GPATCH2: variants seen among roughly 807,000 people sequenced by gnomAD.
GPATCH2 encodes G-patch domain containing 2, also known as G patch domain-containing protein 2.
Under a neutral mutation model 58.0 loss-of-function variants are expected in GPATCH2, and 51 were observed. The ratio of observed to expected loss-of-function variants is 0.88; its 90% CI spans 0.70 to 1.11. The LOEUF (loss-of-function observed/expected upper bound fraction) is 1.11, where lower values mean the gene tolerates loss of function less well. Among genes scored for constraint, GPATCH2 ranks in the 50% most tolerant of loss-of-function variants. GPATCH2 has a pLI of 0.00. For missense variants in GPATCH2, 625 were observed against 652.2 expected, an observed-to-expected ratio of 0.96 and a Z score of 0.45; for synonymous variants, 222 against 218.5, an observed-to-expected ratio of 1.02 and a Z score of -0.14.
chr1:217,451,166 T>TGTC, intron 8 of GPATCH2, among the ~76,000 whole-genome samples: 1 of 152,340 alleles, frequency 6.6e-6, no homozygotes, highest in Middle Eastern at 3.4e-3. Context: ...TAGTGAAGAC[T>TGTC]GTATTATTTA....
intron 8 of GPATCH2, among the ~76,000 whole-genome samples, chr1:217,479,254 T>C (rs147102225): frequency 1.8e-4 from 28 of 152,242 alleles, no homozygotes; most frequent in African/African-American, 6.3e-4. Context: ...ACTGTAATTA[T>C]GATGTCTAAA....
intron 8 of GPATCH2, among the ~76,000 whole-genome samples, chr1:217,458,238 G>C (rs550153400): frequency 1.3e-5 from 2 of 152,188 alleles, no homozygotes; most frequent in South Asian, 2.1e-4. Flanking sequence ...TCAAAAAAAA[G>C]ATGTCTTGCT....
intron 3 of GPATCH2, among the ~76,000 whole-genome samples, chr1:217,611,719 C>A (rs1668639326): frequency 2.0e-5 from 3 of 151,998 alleles, no homozygotes; most frequent in Admixed American, 6.6e-5. Flanking sequence ...TGAAATTAAT[C>A]CAATTAAGCT....
At chr1:217,524,711 A>C (rs1663733245) in intron 5 of GPATCH2, among the ~76,000 whole-genome samples, 1 of 149,764 alleles carries the variant, frequency 6.7e-6, no homozygotes, top group African/African-American at 2.4e-5. Flanking sequence ...AAATACGAAA[A>C]CCAGTCAGGC....
intron 5 of GPATCH2, among the ~76,000 whole-genome samples, chr1:217,556,972 G>C (rs112513601): frequency 3.9e-5 from 6 of 152,280 alleles, no homozygotes; most frequent in African/African-American, 1.4e-4. Context: ...TTATAGATCA[G>C]TTGTGTTTCT....
chr1:217,575,252 T>C (rs760404307), intron 5 of GPATCH2, among the ~76,000 whole-genome samples: 9 of 152,200 alleles, frequency 5.9e-5, no homozygotes, highest in Non-Finnish European at 1.3e-4. Flanking sequence ...TTGCTTTATT[T>C]TGTTTTTCCT....
chr1:217,573,408 CT>C (rs752516338), intron 5 of GPATCH2, among the ~76,000 whole-genome samples: 1 of 152,050 alleles, frequency 6.6e-6, no homozygotes, highest in Non-Finnish European at 1.5e-5. Flanking sequence ...TTGCAAACAA[CT>C]AACAGTTTTC....
At chr1:217,447,683 C>T (rs1659452933) in intron 9 of GPATCH2, among the ~76,000 whole-genome samples, 1 of 152,318 alleles carries the variant, frequency 6.6e-6, no homozygotes, top group East Asian at 1.9e-4. Context: ...ATCAGGTATG[C>T]ATCTAAATGC....
At chr1:217,497,943 G>T (rs1026712554) in intron 7 of GPATCH2, among the ~76,000 whole-genome samples, 14 of 152,184 alleles carry the variant, frequency 9.2e-5, no homozygotes, top group Non-Finnish European at 1.6e-4. Context: ...TAATGTAAAA[G>T]TATAAGAAAC....
chr1:217,602,744 T>C (rs1558517280), intron 5 of GPATCH2, among the ~76,000 whole-genome samples: 1 of 152,258 alleles, frequency 6.6e-6, no homozygotes, highest in East Asian at 1.9e-4. Flanking sequence ...GTTCCAGTGA[T>C]TAATCTGATA....
chr1:217,438,762 G>C (rs979290537), intron 9 of GPATCH2, among the ~76,000 whole-genome samples: 3 of 152,112 alleles, frequency 2.0e-5, no homozygotes. Context: ...GAAAGTGATG[G>C]GGAGAATGGA....
At chr1:217,597,389 G>A (rs1667889246) in intron 5 of GPATCH2, among the ~76,000 whole-genome samples, 3 of 151,174 alleles carry the variant, frequency 2.0e-5, no homozygotes, top group Admixed American at 6.6e-5. Context: ...AAAATCAAAC[G>A]GATGCGAGGC....
At chr1:217,576,234 G>A (rs1409055918) in intron 5 of GPATCH2, among the ~76,000 whole-genome samples, 2 of 152,046 alleles carry the variant, frequency 1.3e-5, no homozygotes, top group African/African-American at 4.8e-5. Context: ...CCTGTCACAT[G>A]TAATGAATTA....
chr1:217,502,905 T>G lies in GPATCH2; in HGVS notation c.1167-4510A>C, dbSNP rs148547232. On this transcript the variant is annotated intron_variant, in intron 6 of 9. Transcript: ENST00000366935. Reference sequence around the variant, plus strand: ...AGAAGTTTTCAGATTTTCTAGGGCCTGTGAGGGACAAATCAGCATTTATTT... The same window carrying G: ...AGAAGTTTTCAGATTTTCTAGGGCCGGTGAGGGACAAATCAGCATTTATTT... Among the ~76,000 whole-genome samples, 18 of 152,242 alleles carry G rather than the reference T, an allele frequency of 1.2e-4. No individual in the cohort carries two copies. The East Asian group carries it at 2.5e-3, about 21-fold the overall frequency.
chr1:217,588,694 A>G (rs1667451774), intron 5 of GPATCH2, among the ~76,000 whole-genome samples: 1 of 152,172 alleles, frequency 6.6e-6, no homozygotes, highest in Non-Finnish European at 1.5e-5. Flanking sequence ...ATCATCATTC[A>G]TGCAAACCAA....
intron 8 of GPATCH2, among the ~76,000 whole-genome samples, chr1:217,473,593 A>T (rs1219954179): frequency 3.3e-5 from 5 of 152,146 alleles, no homozygotes; most frequent in Non-Finnish European, 5.9e-5. Context: ...AATAAAACTA[A>T]GATAAAACTT....
At chr1:217,538,601 C>T (rs1016713677) in intron 5 of GPATCH2, among the ~76,000 whole-genome samples, 1 of 152,164 alleles carries the variant, frequency 6.6e-6, no homozygotes, top group Admixed American at 6.5e-5. Context: ...CGTTTCCAGT[C>T]TGCCCATTGA....
chr1:217,557,900 C>G lies in GPATCH2; in HGVS notation c.1099-43011G>C, dbSNP rs186563389. 1.3e-3 allele frequency among the ~76,000 whole-genome samples: 201 copies of G among 152,238 alleles called. 3 individuals carry two copies. Among genetic ancestry groups the G allele is most frequent in the Non-Finnish European group, 9.7e-4 (66 of 68,014 alleles). ...ATACCGTAAAATAAGCAGAAGTAAA[C>G]TTTATTGCCATTTAACAAGTTAATA... On this transcript the variant is annotated intron_variant, in intron 5 of 9. Coordinates refer to ENST00000366935, the MANE Select transcript of GPATCH2 (RefSeq NM_018040.5).
chr1:217,553,956 T>C (rs566964331), intron 5 of GPATCH2, among the ~76,000 whole-genome samples: 2 of 152,192 alleles, frequency 1.3e-5, no homozygotes, highest in Non-Finnish European at 2.9e-5. Context: ...CCTAAAATGA[T>C]GGACAGCTCT....
Sources: allele counts gnomAD v4.1 joint callset (sites outside exome capture counted in the v4.1 genomes callset), GRCh38; gene constraint gnomAD v4.1.1; transcripts MANE v1.5; gene names NCBI Gene and HGNC (gene_info 2026-07-23, HGNC 2026-07-21).